ASAP2: variants seen among roughly 807,000 people sequenced by gnomAD.
ASAP2 encodes arf-GAP with SH3 domain, ANK repeat and PH domain-containing protein 2.
ASAP2 carries 45 observed loss-of-function variants against 131.4 expected under a neutral mutation model. That is an observed-to-expected ratio of 0.34 (90% confidence interval 0.27 to 0.44). The LOEUF is 0.44. Ranked by LOEUF, ASAP2 falls within the 20% of genes least tolerant of loss-of-function variation. The probability of loss-of-function intolerance (pLI) is 1.00; values close to 1 mark genes in which losing one functional copy is unlikely to be tolerated. For synonymous variants in ASAP2, 510 were observed against 503.0 expected (o/e 1.01, Z -0.19); for missense variants, 1,011 against 1,297.0 (o/e 0.78, Z 3.39).
chr2:9,334,649 CA>C, intron 7 of ASAP2, 88 bp from the exon 8 acceptor site: 1 of 1,152,246 alleles, frequency 8.7e-7, no homozygotes, highest in Non-Finnish European at 1.3e-6. Flanking sequence ...ATAATGACTT[CA>C]GTCACTTTAA....
At chr2:9,356,422 A>G in intron 14 of ASAP2, 77 bp downstream of exon 14, 1 of 1,438,800 alleles carries the variant, frequency 7.0e-7, no homozygotes, top group African/African-American at 1.4e-5. Context: ...CCGTTCATTG[A>G]TTTTCACTTT....
intron 1 of ASAP2, among the ~76,000 whole-genome samples, chr2:9,234,608 A>G (rs774893504): frequency 3.9e-5 from 6 of 152,206 alleles, no homozygotes; most frequent in Non-Finnish European, 7.3e-5. Context: ...AGTGGGCACT[A>G]TCCCCATTGT....
chr2:9,278,697 T>C (rs1044204770), intron 1 of ASAP2, among the ~76,000 whole-genome samples: 13 of 152,176 alleles, frequency 8.5e-5, no homozygotes, highest in Non-Finnish European at 1.8e-4. Flanking sequence ...TCTATAAACA[T>C]TTGCTGAATA....
At chr2:9,354,761 C>T (rs1672585147) in intron 12 of ASAP2, among the ~76,000 whole-genome samples, 1 of 152,178 alleles carries the variant, frequency 6.6e-6, no homozygotes, top group Non-Finnish European at 1.5e-5. Context: ...GCAGCTTAGC[C>T]TCTCTAGGCT....
At chr2:9,395,663 G>A (rs184516275) in intron 24 of ASAP2, among the ~76,000 whole-genome samples, 39 of 133,624 alleles carry the variant, frequency 2.9e-4, no homozygotes, top group Middle Eastern at 4.5e-3. Flanking sequence ...GCTGGAGTGC[G>A]GTGGCGCGAT....
chr2:9,301,033 G>T (rs1668441243), intron 3 of ASAP2, among the ~76,000 whole-genome samples: 2 of 152,218 alleles, frequency 1.3e-5, no homozygotes, highest in South Asian at 4.1e-4. Context: ...CTGGGCAAAT[G>T]GGGAGCGGAT....
chr2:9,351,353 C>T (rs538589207), intron 12 of ASAP2, among the ~76,000 whole-genome samples: 1 of 152,290 alleles, frequency 6.6e-6, no homozygotes, highest in African/African-American at 2.4e-5. Context: ...TCTTCCTCAC[C>T]ACAGGAATAG....
intron 1 of ASAP2, among the ~76,000 whole-genome samples, chr2:9,254,422 A>C (rs1572263609): frequency 7.3e-6 from 1 of 137,526 alleles, no homozygotes; most frequent in Non-Finnish European, 1.5e-5. Flanking sequence ...GCATCATCCC[A>C]GCTCATTGCA....
intron 16 of ASAP2, among the ~76,000 whole-genome samples, chr2:9,372,020 C>G (rs1419637542): frequency 6.6e-6 from 1 of 152,132 alleles, no homozygotes; most frequent in Non-Finnish European, 1.5e-5. Flanking sequence ...CAGACCTGTG[C>G]CCATGTTTGT....
intron 3 of ASAP2, among the ~76,000 whole-genome samples, chr2:9,315,524 T>C (rs929460589): frequency 6.6e-6 from 1 of 151,868 alleles, no homozygotes; most frequent in African/African-American, 2.4e-5. Context: ...GAGAGGGCTT[T>C]GTAGGAAGGA....
chr2:9,356,374 G>C, intron 14 of ASAP2, 29 bp downstream of exon 14: 1 of 1,533,846 alleles, frequency 6.5e-7, no homozygotes, highest in Non-Finnish European at 8.7e-7. Flanking sequence ...CCGACCCTGG[G>C]CTCTAGGACA....
chr2:9,306,897 C>T (rs1668978100), intron 3 of ASAP2, among the ~76,000 whole-genome samples: 2 of 152,124 alleles, frequency 1.3e-5, no homozygotes, highest in South Asian at 4.1e-4. Flanking sequence ...GCCGGACATC[C>T]ACAGAGCATC....
chr2:9,207,121 C>T lies in ASAP2; in HGVS notation c.17C>T (p.Ser6Phe). MPDQI[S>F]VSEFVAETHE... Reference sequence around the variant, plus strand: ...GCCGAGGCGATGCCGGACCAGATCTCCGTGTCGGAATTCGTGGCCGAGACC... The same window carrying T: ...GCCGAGGCGATGCCGGACCAGATCTTCGTGTCGGAATTCGTGGCCGAGACC... Residue 6 changes from serine (S) to phenylalanine (F), a missense_variant, in exon 1 of 28, where the codon TCC becomes TTC. Ser to Phe is a radical substitution (Grantham distance 155, BLOSUM62 -2). This residue lies in a region of ASAP2 where 359 missense variants were observed against 598.1 expected (regional missense o/e 0.60). Coordinates refer to ENST00000281419, the MANE Select transcript of ASAP2 (RefSeq NM_003887.3). The surrounding 1 kb of genome is among the most constrained non-coding windows in gnomAD (Gnocchi z 4.1). 6.3e-7 allele frequency: 1 copy of T among 1,596,346 alleles called. No individual in the cohort carries two copies. Among genetic ancestry groups the T allele is most frequent in the Non-Finnish European group, 8.5e-7 (1 of 1,172,444 alleles).
rs573666562 is a variant in ASAP2, at chr2:9,271,723, G to T, written c.127-7594G>T. 5.5e-3 allele frequency: 2,489 copies of T among 451,426 alleles called. 9 individuals are homozygous for T. The highest frequency in any genetic ancestry group is 6.6e-3 in the Non-Finnish European group (1,691 of 257,698). 28.0% of individuals were successfully genotyped at this position (451,426 alleles called of 1,614,324 possible). The stretch of plus-strand genomic sequence containing the variant: ...GGAAGCGACGGGGCCCAAGGGGGAG[G>T]CTGCTGAGTCCTCGGCAGTGGCTCA... On this transcript the variant is annotated intron_variant, in intron 1 of 27. Coordinates refer to ENST00000281419, the MANE Select transcript of ASAP2 (RefSeq NM_003887.3).
Position 9,392,040 on chromosome 2 carries a change from T to C in ASAP2, c.2518+844T>C, listed in dbSNP as rs925097701. Among the ~76,000 whole-genome samples, 1 of 152,120 alleles carries C rather than the reference T, an allele frequency of 6.6e-6. No individual in the cohort carries two copies. The highest frequency in any genetic ancestry group is 2.4e-5 in the African/African-American group (1 of 41,408). ...GGATTATTGGTGCAAGCGTATTTTT[T>C]GTAGAGACAGGGTTTTGCTATGTTG... On this transcript the variant is annotated intron_variant, in intron 23 of 27. Transcript: ENST00000281419. This position sits in a 1 kb window ranked among gnomAD's most constrained non-coding sequence, Gnocchi z 4.0.
At position 9,286,581 on chromosome 2, in the gene ASAP2, C is replaced by T. The variant is rs544748242; in HGVS notation, c.199+7192C>T. On this transcript the variant is annotated intron_variant, in intron 2 of 27. Coordinates refer to ENST00000281419, the MANE Select transcript of ASAP2 (RefSeq NM_003887.3). ...ATTGTTGTGGCACTGAAAACATGCA[C>T]GCAGAGTTTCTGGAAAGCAGTTTGG... Among the ~76,000 whole-genome samples the T allele has an allele frequency of 7.2e-5, 11 of 152,128 alleles. No individual in the cohort carries two copies. In the South Asian group the frequency reaches 1.9e-3, roughly 26 times the overall value.
intron 1 of ASAP2, among the ~76,000 whole-genome samples, chr2:9,275,145 A>G (rs921840780): frequency 1.3e-5 from 2 of 150,180 alleles, no homozygotes; most frequent in South Asian, 2.1e-4. Flanking sequence ...CAGTGGCGCA[A>G]TCATGGTTCG....
chr2:9,269,448 G>A (rs943625933), intron 1 of ASAP2, among the ~76,000 whole-genome samples: 3 of 152,200 alleles, frequency 2.0e-5, no homozygotes, highest in Admixed American at 6.5e-5. Flanking sequence ...GGCTTGGCCC[G>A]CACCATTCAG....
At chr2:9,401,558 A>C (rs757008186) in intron 27 of ASAP2, among the ~76,000 whole-genome samples, 162 bp downstream of exon 27, 1 of 152,114 alleles carries the variant, frequency 6.6e-6, no homozygotes, top group East Asian at 1.9e-4. Context: ...TGCTTCCTCC[A>C]TGGACACCCC....
Sources: allele counts gnomAD v4.1 joint callset (sites outside exome capture counted in the v4.1 genomes callset), GRCh38; gene constraint gnomAD v4.1.1; regional missense constraint gnomAD v4.1.1; non-coding constraint Gnocchi (gnomAD v3.1); transcripts MANE v1.5; gene names NCBI Gene and HGNC (gene_info 2026-07-23, HGNC 2026-07-21).